Variants in PRKN observed in about 807,000 individuals in gnomAD.
The protein encoded by PRKN is E3 ubiquitin-protein ligase parkin.
PRKN carries 56 observed loss-of-function variants against 59.5 expected under a neutral mutation model. The observed-to-expected ratio is 0.94, with a 90% CI of 0.76 to 1.18. The LOEUF (loss-of-function observed/expected upper bound fraction) is 1.18. Among genes scored for constraint, PRKN ranks in the 50% most tolerant of loss-of-function variants. The probability of loss-of-function intolerance (pLI) is 0.00; values close to 1 mark genes in which losing one functional copy is unlikely to be tolerated. For synonymous variants in PRKN, 250 were observed against 222.1 expected, an observed-to-expected ratio of 1.13 and a Z score of -1.12; for missense variants, 657 against 596.4, an observed-to-expected ratio of 1.10 and a Z score of -1.06.
At chr6:162,338,291 C>T (rs1378954498) in intron 2 of PRKN, among the ~76,000 whole-genome samples, 1 of 152,102 alleles carries the variant, frequency 6.6e-6, no homozygotes, top group Non-Finnish European at 1.5e-5. Flanking sequence ...CCTCTCTTTC[C>T]ACGGTCTCCC....
intron 7 of PRKN, among the ~76,000 whole-genome samples, chr6:161,643,328 A>C (rs994152426): frequency 6.6e-6 from 1 of 152,174 alleles, no homozygotes; most frequent in Non-Finnish European, 1.5e-5. Flanking sequence ...GAAATGCTGA[A>C]GCTCTCTAGT....
chr6:161,866,720 C>A (rs945048192), intron 6 of PRKN, among the ~76,000 whole-genome samples: 1 of 152,168 alleles, frequency 6.6e-6, no homozygotes, highest in African/African-American at 2.4e-5. Flanking sequence ...CAATATCTGC[C>A]AAGTGCGATA....
intron 4 of PRKN, among the ~76,000 whole-genome samples, chr6:162,129,977 T>G (rs1781281970): frequency 6.6e-6 from 1 of 152,122 alleles, no homozygotes; most frequent in Admixed American, 6.6e-5. Flanking sequence ...AGCCTTACAG[T>G]CTCAGAGGCT....
At position 161,579,192 on chromosome 6, in the gene PRKN, C is replaced by A. The variant is rs1324177216; in HGVS notation, c.872-9776G>T. On this transcript the variant is annotated intron_variant, in intron 7 of 11. Coordinates refer to ENST00000366898, the MANE Select transcript of PRKN (RefSeq NM_004562.3). This position sits in a 1 kb window ranked among gnomAD's most constrained non-coding sequence, Gnocchi z 4.2. ...GTGCTCTCTTTAATATGTTTTTCCA[C>A]AGATTATGGTGGTTGGTTGGTTACC... Among the ~76,000 whole-genome samples the A allele has an allele frequency of 1.3e-5, 2 of 152,180 alleles. No homozygotes were observed. Among genetic ancestry groups the A allele is most frequent in the African/African-American group, 4.8e-5 (2 of 41,446 alleles).
chr6:161,530,740 A>C lies in PRKN; in HGVS notation c.1083+18114T>G, dbSNP rs1445585697. On this transcript the variant is annotated intron_variant, in intron 9 of 11. Transcript: ENST00000366898. The surrounding 1 kb of genome is among the most constrained non-coding windows in gnomAD (Gnocchi z 5.0). ...TCTATGTTGGTCAGGCCAGTCTCGA[A>C]CTCCTGACCTCAGGTGATCCGCCCG... 6.6e-6 allele frequency among the ~76,000 whole-genome samples: 1 copy of C among 151,174 alleles called. No homozygotes were observed. Among genetic ancestry groups the C allele is most frequent in the Admixed American group, 6.6e-5 (1 of 15,200 alleles).
Position 161,804,796 on chromosome 6 carries a change from A to T in PRKN, c.735-18888T>A, listed in dbSNP as rs538593068. Among the ~76,000 whole-genome samples the T allele has an allele frequency of 3.3e-5, 5 of 152,322 alleles. No homozygotes were observed. In the South Asian group the frequency reaches 1.0e-3, roughly 32 times the overall value. On this transcript the variant is annotated intron_variant, in intron 6 of 11. Transcript: ENST00000366898. ...TCCAGCACTTGGAAACAAATTCTAG[A>T]TTCTATTTTCCCAATCTATTGCTGT... is the stretch of plus-strand genomic sequence containing the variant.
chr6:161,819,423 G>A (rs920430103), intron 6 of PRKN, among the ~76,000 whole-genome samples: 10 of 152,088 alleles, frequency 6.6e-5, no homozygotes, highest in East Asian at 1.9e-4. Flanking sequence ...CCTGGGAGGC[G>A]GAGGTTGCAG....
chr6:161,549,022 A>G lies in PRKN; in HGVS notation c.934-19T>C. 6.2e-7 allele frequency: 1 copy of G among 1,612,832 alleles called. No homozygotes were observed. Among genetic ancestry groups the G allele is most frequent in the Admixed American group, 1.7e-5 (1 of 60,034 alleles). Reference sequence around the variant, plus strand: ...GGTTGTACTGCAAAACCCAAAAAGCAGATTGAGCTTTCAAACTGACTGCAA... The same window carrying G: ...GGTTGTACTGCAAAACCCAAAAAGCGGATTGAGCTTTCAAACTGACTGCAA... On this transcript the variant is annotated intron_variant, in intron 8 of 11. Transcript: ENST00000366898. This position sits in a 1 kb window ranked among gnomAD's most constrained non-coding sequence, Gnocchi z 6.0.
intron 7 of PRKN, among the ~76,000 whole-genome samples, chr6:161,617,256 G>A (rs573174632): frequency 1.3e-5 from 2 of 152,248 alleles, no homozygotes; most frequent in South Asian, 4.1e-4. Flanking sequence ...TGATGGGGTT[G>A]ATTTTTTCTT....
At chr6:161,645,896 G>A (rs1374433757) in intron 7 of PRKN, among the ~76,000 whole-genome samples, 1 of 151,508 alleles carries the variant, frequency 6.6e-6, no homozygotes, top group Non-Finnish European at 1.5e-5. Flanking sequence ...CGCAGGTGGC[G>A]GAGGAGGCGG....
chr6:161,986,790 A>G, intron 5 of PRKN, among the ~76,000 whole-genome samples: 1 of 108,770 alleles, frequency 9.2e-6, no homozygotes, highest in African/African-American at 3.7e-5. Context: ...CGGAACAGCC[A>G]GACCTGAGAA....
At chr6:162,445,689 TAAAAAAAAAAAAAAAAAAAAAA>T (rs71004091) in intron 1 of PRKN, among the ~76,000 whole-genome samples, 10 of 28,748 alleles carry the variant, frequency 3.5e-4, no homozygotes, top group South Asian at 2.2e-3. Flanking sequence ...AGACCTTGTC[TAAAAAAAAAAAAAAAAAAAAAA>T]AAAAAAAAAA....
intron 6 of PRKN, among the ~76,000 whole-genome samples, chr6:161,965,622 G>C (rs2128249664): frequency 6.6e-6 from 1 of 152,152 alleles, no homozygotes; most frequent in Middle Eastern, 3.4e-3. Flanking sequence ...ACATACCCAA[G>C]GTGGCTGGGG....
chr6:162,024,579 A>C (rs1450940934), intron 5 of PRKN, among the ~76,000 whole-genome samples: 1 of 152,172 alleles, frequency 6.6e-6, no homozygotes, highest in African/African-American at 2.4e-5. Flanking sequence ...CCTTAAAGAG[A>C]TCTTTCATCT....
At chr6:162,685,195 T>C (rs1450575249) in intron 1 of PRKN, among the ~76,000 whole-genome samples, 1 of 152,180 alleles carries the variant, frequency 6.6e-6, no homozygotes, top group Non-Finnish European at 1.5e-5. Context: ...GACTAAATTA[T>C]GCCACGAAGC....
chr6:162,489,996 C>A (rs970190276), intron 1 of PRKN, among the ~76,000 whole-genome samples: 3 of 152,164 alleles, frequency 2.0e-5, no homozygotes, highest in Non-Finnish European at 4.4e-5. Context: ...ATGCAAATCA[C>A]TTTGCATCCT....
intron 6 of PRKN, among the ~76,000 whole-genome samples, chr6:161,942,381 AT>A (rs1280296783): frequency 1.9e-4 from 29 of 152,152 alleles, no homozygotes; most frequent in Middle Eastern, 6.8e-3. Context: ...AAATACAAAA[AT>A]TAGCTGGGCG....
At chr6:162,248,877 T>C (rs997978377) in intron 3 of PRKN, among the ~76,000 whole-genome samples, 13 of 151,906 alleles carry the variant, frequency 8.6e-5, no homozygotes, top group African/African-American at 3.1e-4. Context: ...ATTGCTTTTG[T>C]ATATAATTTT....
chr6:161,542,999 C>T (rs938710289), intron 9 of PRKN, among the ~76,000 whole-genome samples: 1 of 151,926 alleles, frequency 6.6e-6, no homozygotes, highest in Non-Finnish European at 1.5e-5. Context: ...GAAAAGTAAC[C>T]ATTTTCTTTT....
Sources: gnomAD v4.1 joint callset for allele counts (sites outside exome capture counted in the v4.1 genomes callset) on GRCh38, gnomAD v4.1.1 for gene constraint, Gnocchi (gnomAD v3.1) non-coding constraint, MANE v1.5 for transcripts, NCBI Gene and HGNC (gene_info 2026-07-23, HGNC 2026-07-21) for gene names.